NDUFC2: variants seen among roughly 807,000 people sequenced by gnomAD.
NDUFC2 encodes NADH dehydrogenase [ubiquinone] 1 subunit C2.
Under a neutral mutation model 10.1 loss-of-function variants are expected in NDUFC2, and 2 were observed. The ratio of observed to expected loss-of-function variants is 0.20; its 90% confidence interval spans 0.08 to 0.62. The LOEUF is 0.62. NDUFC2 is among the 20% of genes least tolerant of loss of function. NDUFC2 has a pLI of 0.87. For missense variants in NDUFC2, 156 were observed against 159.6 expected, an observed-to-expected ratio of 0.98 and a Z score of 0.12; for synonymous variants, 61 against 63.6, an observed-to-expected ratio of 0.96 and a Z score of 0.20.
intron 1 of NDUFC2, among the ~76,000 whole-genome samples, chr11:78,078,728 C>CTTTTTTTTTTTTT (rs71046953): frequency 0.014 from 860 of 61,524 alleles, 242 homozygotes; most frequent in African/African-American, 0.018. Flanking sequence ...TCAGGATCCG[C>CTTTTTTTTTTTTT]TTTTTTTTTT....
At position 78,079,815 on chromosome 11, in the gene NDUFC2, C is replaced by A. The variant is rs1859446202; in HGVS notation, c.-71G>T. On this transcript the variant is annotated 5_prime_UTR_variant, in exon 1 of 3. Coordinates refer to ENST00000281031, the MANE Select transcript of NDUFC2 (RefSeq NM_004549.6). ...CAAGGAAAACCACGACGACCACTAC[C>A]CCGGCCTAAGCGGTCAGCTTTCTCC... 6.6e-7 allele frequency: 1 copy of A among 1,518,282 alleles called. No homozygotes were observed. The highest frequency in any genetic ancestry group is 8.8e-7 in the Non-Finnish European group (1 of 1,135,120). 94.1% of individuals were successfully genotyped at this position (1,518,282 alleles called of 1,614,324 possible).
intron 2 of NDUFC2, among the ~76,000 whole-genome samples, chr11:78,072,041 T>C (rs1859033032): frequency 6.6e-6 from 1 of 152,220 alleles, no homozygotes; most frequent in African/African-American, 2.4e-5. Flanking sequence ...CACATGTGTA[T>C]ATCATATGGT....
rs1858923303 is a variant in NDUFC2, at chr11:78,069,968, A to T, written c.*19T>A. The T allele has an allele frequency of 2.5e-6, 4 of 1,612,776 alleles. No individual in the cohort carries two copies. Among genetic ancestry groups the T allele is most frequent in the Non-Finnish European group, 3.4e-6 (4 of 1,179,346 alleles). On this transcript the variant is annotated 3_prime_UTR_variant, in exon 3 of 3. Coordinates refer to ENST00000281031, the MANE Select transcript of NDUFC2 (RefSeq NM_004549.6). ...AAACAGCAGGTATCAGTGAAACTGGAGCAAGCATTTTGAAGACTTCAACGT... is the reference window on the plus strand; with the variant it reads ...AAACAGCAGGTATCAGTGAAACTGGTGCAAGCATTTTGAAGACTTCAACGT...
chr11:78,076,369 T>G (rs182636790), intron 1 of NDUFC2, among the ~76,000 whole-genome samples: 13 of 152,304 alleles, frequency 8.5e-5, no homozygotes. Context: ...CTTGAACTCT[T>G]GACTTCAGGT....
At chr11:78,078,727 G>GTTTTTTTTTTTTTTTTTT (rs1565334734) in intron 1 of NDUFC2, among the ~76,000 whole-genome samples, 2 of 19,748 alleles carry the variant, frequency 1.0e-4, no homozygotes, top group African/African-American at 3.8e-4. Context: ...ATCAGGATCC[G>GTTTTTTTTTTTTTTTTTT]CTTTTTTTTT....
intron 1 of NDUFC2, among the ~76,000 whole-genome samples, chr11:78,077,617 G>A (rs752833686): frequency 1.3e-5 from 2 of 151,968 alleles, no homozygotes; most frequent in Non-Finnish European, 1.5e-5. Flanking sequence ...GTGCAGTGGT[G>A]CAATCGTGGC....
chr11:78,077,980 A>C (rs886111561), intron 1 of NDUFC2, among the ~76,000 whole-genome samples: 1 of 152,216 alleles, frequency 6.6e-6, no homozygotes, highest in African/African-American at 2.4e-5. Flanking sequence ...GCATAAACGG[A>C]CAAAGATGAC....
chr11:78,074,341 G>A (rs558857013), intron 1 of NDUFC2, among the ~76,000 whole-genome samples: 5 of 152,128 alleles, frequency 3.3e-5, no homozygotes, highest in African/African-American at 1.2e-4. Context: ...GGCTGGGCGT[G>A]GTGGCTCACA....
chr11:78,075,018 G>A (rs1309019104), intron 1 of NDUFC2, among the ~76,000 whole-genome samples: 1 of 152,108 alleles, frequency 6.6e-6, no homozygotes. Flanking sequence ...CTCTCTTAGT[G>A]GTCGACCTCT....
chr11:78,072,806 T>G, intron 2 of NDUFC2, 192 bp downstream of exon 2: 1 of 766,774 alleles, frequency 1.3e-6, no homozygotes, highest in East Asian at 2.7e-5. Flanking sequence ...GATATGAGTT[T>G]TGTTTGCTGT....
At chr11:78,072,375 G>C (rs642047) in intron 2 of NDUFC2, among the ~76,000 whole-genome samples, 1 of 152,110 alleles carries the variant, frequency 6.6e-6, no homozygotes, top group African/African-American at 2.4e-5. Context: ...ACAGGGTTTC[G>C]CCATGTTGGC....
Position 78,069,731 on chromosome 11 carries a change from G to T in NDUFC2, c.*256C>A. 1 of 726,842 alleles carries T rather than the reference G, an allele frequency of 1.4e-6. No homozygotes were observed. The highest frequency in any genetic ancestry group is 2.7e-5 in the East Asian group (1 of 36,716). 45.0% of individuals were successfully genotyped at this position (726,842 alleles called of 1,614,324 possible). A position where few individuals can be genotyped will look rare whatever the true frequency, so the allele number is the denominator to read the frequency against. Reference sequence around the variant, plus strand: ...ACTTTATTGGCAGTGGGCCAGATTTGGGTAGTCTGCTAACTCTAAACTAGA... The same window carrying T: ...ACTTTATTGGCAGTGGGCCAGATTTTGGTAGTCTGCTAACTCTAAACTAGA... On this transcript the variant is annotated 3_prime_UTR_variant, in exon 3 of 3. Coordinates refer to ENST00000281031, the MANE Select transcript of NDUFC2 (RefSeq NM_004549.6).
intron 1 of NDUFC2, among the ~76,000 whole-genome samples, chr11:78,076,431 C>T (rs1859255462): frequency 6.6e-6 from 1 of 152,216 alleles, no homozygotes; most frequent in Admixed American, 6.5e-5. Context: ...CATGAGCCAC[C>T]ACACGTGACC....
intron 1 of NDUFC2, among the ~76,000 whole-genome samples, chr11:78,077,902 T>C (rs1359843941): frequency 6.6e-6 from 1 of 152,132 alleles, no homozygotes; most frequent in African/African-American, 2.4e-5. Context: ...CTCTTTTCAT[T>C]ACACCAAGTG....
chr11:78,073,394 A>T (rs1482518149), intron 1 of NDUFC2, among the ~76,000 whole-genome samples: 1 of 152,168 alleles, frequency 6.6e-6, no homozygotes, highest in Non-Finnish European at 1.5e-5. Flanking sequence ...TGGGAGGCTG[A>T]GGCAGGCGAA....
chr11:78,079,625 G>C lies in NDUFC2; in HGVS notation c.120C>G (p.Ser40=). 1 of 1,573,640 alleles carries C rather than the reference G, an allele frequency of 6.4e-7. No individual in the cohort carries two copies. The part of the protein sequence containing the change: ...LLYIGFLGYC[S]GLIDNLIRRR... The stretch of plus-strand genomic sequence containing the variant: ...GCCGGATTAGGTTATCAATCAGGCC[G>C]GAGCAGTAGCCCAAGAAGCCGATGT... The change falls in exon 1 of 3, where the codon TCC becomes TCG. Residue 40 remains serine (S), a synonymous_variant. Coordinates refer to ENST00000281031, the MANE Select transcript of NDUFC2 (RefSeq NM_004549.6).
intron 1 of NDUFC2, among the ~76,000 whole-genome samples, chr11:78,073,491 A>G (rs1859107146): frequency 6.8e-6 from 1 of 146,146 alleles, no homozygotes; most frequent in African/African-American, 2.6e-5. Flanking sequence ...CTGGCCTGTT[A>G]TGGCATTTCT....
At chr11:78,074,312 C>T (rs1327333768) in intron 1 of NDUFC2, among the ~76,000 whole-genome samples, 1 of 146,710 alleles carries the variant, frequency 6.8e-6, no homozygotes, top group Non-Finnish European at 1.5e-5. Flanking sequence ...ACCTCTAAAA[C>T]ATAGACAAGA....
At chr11:78,072,447 G>A (rs746954567) in intron 2 of NDUFC2, among the ~76,000 whole-genome samples, 9 of 152,204 alleles carry the variant, frequency 5.9e-5, no homozygotes, top group Non-Finnish European at 1.3e-4. Context: ...CAAAGTGCTG[G>A]GATTACAGGC....
Sources: gnomAD v4.1 joint callset for allele counts (sites outside exome capture counted in the v4.1 genomes callset) on GRCh38, gnomAD v4.1.1 for gene constraint, MANE v1.5 for transcripts, NCBI Gene and HGNC (gene_info 2026-07-23, HGNC 2026-07-21) for gene names.